COL9A2: variants seen among roughly 807,000 people sequenced by gnomAD.
COL9A2 encodes the protein collagen alpha-2(IX) chain.
COL9A2 carries 66 observed loss-of-function variants against 111.6 expected under a neutral mutation model. The observed-to-expected ratio is 0.59, with a 90% confidence interval of 0.48 to 0.73. The LOEUF (loss-of-function observed/expected upper bound fraction) is 0.73, where lower values mean the gene tolerates loss of function less well. COL9A2 is among the 30% of genes least tolerant of loss of function. COL9A2 has a pLI of 0.00. For missense variants in COL9A2, 881 were observed against 954.1 expected (o/e 0.92, Z 1.01); for synonymous variants, 353 against 364.1 (o/e 0.97, Z 0.35).
chr1:40,316,760 C>G lies in COL9A2; in HGVS notation c.75+363G>C. 3 of 366,452 alleles carry G rather than the reference C, an allele frequency of 8.2e-6. No individual in the cohort carries two copies. Among genetic ancestry groups the G allele is most frequent in the Non-Finnish European group, 1.5e-5 (3 of 197,630 alleles). 22.7% of individuals were successfully genotyped at this position (366,452 alleles called of 1,614,324 possible). On this transcript the variant is annotated intron_variant, in intron 1 of 31. Coordinates refer to ENST00000372748, the MANE Select transcript of COL9A2 (RefSeq NM_001852.4). The surrounding 1 kb of genome is among the most constrained non-coding windows in gnomAD (Gnocchi z 5.5). ...GGCGTCTGGTTGGAGCCGGCGCCCC[C>G]TGGGAGGCGGCGGGGGCGGAGGCTG...
In COL9A2 at chr1:40,314,551, C is replaced by T. The variant is rs1312150792; in HGVS notation, c.151-164G>A. On this transcript the variant is annotated intron_variant, in intron 2 of 31. Coordinates refer to ENST00000372748, the MANE Select transcript of COL9A2 (RefSeq NM_001852.4). This position sits in a 1 kb window ranked among gnomAD's most constrained non-coding sequence, Gnocchi z 4.1. Reference sequence around the variant, plus strand: ...TTTGGGAAAAGAGCCCCCTTTTCCTCAAAAATAAAAACCAAAAACAAATCA... The same window carrying T: ...TTTGGGAAAAGAGCCCCCTTTTCCTTAAAAATAAAAACCAAAAACAAATCA... 6.6e-6 allele frequency among the ~76,000 whole-genome samples: 1 copy of T among 152,136 alleles called. No individual in the cohort carries two copies. The highest frequency in any genetic ancestry group is 1.5e-5 in the Non-Finnish European group (1 of 68,020).
chr1:40,303,165 C>T lies in COL9A2; in HGVS notation c.1569G>A (p.Gln523=), dbSNP rs769009288. Residue 523 remains glutamine, a synonymous_variant, in exon 29 of 32, where the codon CAG becomes CAA. Coordinates refer to ENST00000372748, the MANE Select transcript of COL9A2 (RefSeq NM_001852.4). This position sits in a 1 kb window ranked among gnomAD's most constrained non-coding sequence, Gnocchi z 4.6. ...QGVEGRDATD[Q]HIVDVALKML... ...TCTTCAGCGCCACATCCACGATGTG[C>T]TGGTCAGTGGCATCCCGGCCCTGAA... 1 of 1,612,476 alleles carries T rather than the reference C, an allele frequency of 6.2e-7. No homozygotes were observed. The highest frequency in any genetic ancestry group is 8.5e-7 in the Non-Finnish European group (1 of 1,179,374).
chr1:40,307,573 G>T lies in COL9A2; in HGVS notation c.955-74C>A. On this transcript the variant is annotated intron_variant, in intron 18 of 31. Transcript: ENST00000372748. This position sits in a 1 kb window ranked among gnomAD's most constrained non-coding sequence, Gnocchi z 4.8. ...GGCCATGGCTTCTACCCAGATGCAGGTAGGGAAACTGAGATCCAGAGGCAA... is the reference window on the plus strand; with the variant it reads ...GGCCATGGCTTCTACCCAGATGCAGTTAGGGAAACTGAGATCCAGAGGCAA... The T allele has an allele frequency of 1.3e-6, 2 of 1,593,048 alleles. No homozygotes were observed. The highest frequency in any genetic ancestry group is 1.7e-6 in the Non-Finnish European group (2 of 1,163,464).
At position 40,312,957 on chromosome 1, in the gene COL9A2, C is replaced by A. The variant is rs1467531421; in HGVS notation, c.250-173G>T. Among the ~76,000 whole-genome samples the A allele has an allele frequency of 6.6e-6, 1 of 152,084 alleles. No homozygotes were observed. The highest frequency in any genetic ancestry group is 1.5e-5 in the Non-Finnish European group (1 of 67,966). ...TCCTTTTCCCCAGTTCCCATAGTAA[C>A]CCTAGGAGGCAGGCAGAACAATTCC... On this transcript the variant is annotated intron_variant, in intron 4 of 31. Transcript: ENST00000372748. The surrounding 1 kb of genome is among the most constrained non-coding windows in gnomAD (Gnocchi z 6.0).
chr1:40,310,187 G>T lies in COL9A2; in HGVS notation c.739-23C>A, dbSNP rs761942372. On this transcript the variant is annotated intron_variant, in intron 14 of 31. Coordinates refer to ENST00000372748, the MANE Select transcript of COL9A2 (RefSeq NM_001852.4). This position sits in a 1 kb window ranked among gnomAD's most constrained non-coding sequence, Gnocchi z 4.9. Reference sequence around the variant, plus strand: ...GCCCTGGGGAGAGGAAAGGGTTGCAGGTCAGTCCTGGCTGAACTCCAGGGG... The same window carrying T: ...GCCCTGGGGAGAGGAAAGGGTTGCATGTCAGTCCTGGCTGAACTCCAGGGG... 7.4e-6 allele frequency: 12 copies of T among 1,614,106 alleles called. No homozygotes were observed. The East Asian group carries it at 1.8e-4, about 24-fold the overall frequency.
Position 40,314,260 on chromosome 1 carries a change from T to C in COL9A2, c.194A>G (p.Lys65Arg), listed in dbSNP as rs756634659. ...TGGCCCAGCTTTGCCAGGCTCGCCC[T>C]TGGGTCCCTTGAAAACAGAGATGGA... ...PPGKAGPPGP[K>R]GEPGKAGPDG... Residue 65 changes from lysine (K) to arginine (R), a missense_variant, in exon 4 of 32, where the codon AAG becomes AGG. By Grantham distance (26) the Lys-to-Arg change is conservative. Transcript: ENST00000372748. This position sits in a 1 kb window ranked among gnomAD's most constrained non-coding sequence, Gnocchi z 4.1. The C allele has an allele frequency of 1.4e-5, 22 of 1,614,180 alleles. No individual in the cohort carries two copies. Among genetic ancestry groups the C allele is most frequent in the Non-Finnish European group, 1.9e-5 (22 of 1,180,024 alleles).
At chr1:40,308,543 C>T (rs965536380) in intron 16 of COL9A2, among the ~76,000 whole-genome samples, 2 of 152,342 alleles carry the variant, frequency 1.3e-5, no homozygotes, top group African/African-American at 2.4e-5. Context: ...CAAAGGAACA[C>T]AACAACCGAA....
rs920616282 is a variant in COL9A2, at chr1:40,306,036, T to G, written c.1053+107A>C. ...AGGGAGGTGGTTAGGCCCAAGGGGC[T>G]TATGTTCTGGCTGAGCCTCTGAGAC... On this transcript the variant is annotated intron_variant, in intron 20 of 31. Transcript: ENST00000372748. 2.2e-6 allele frequency: 3 copies of G among 1,336,978 alleles called. No individual in the cohort carries two copies. The African/African-American group carries it at 4.3e-5, about 19-fold the overall frequency. The allele number at this position is 1,336,978 out of a possible 1,614,324, so 82.8% of individuals were successfully genotyped here.
Position 40,301,187 on chromosome 1 carries a change from G to T in COL9A2, c.2065C>A (p.Pro689Thr). 6.2e-7 allele frequency: 1 copy of T among 1,613,348 alleles called. No homozygotes were observed. The highest frequency in any genetic ancestry group is 8.5e-7 in the Non-Finnish European group (1 of 1,180,000). The change falls in exon 32 of 32, where the codon CCT becomes ACT. Residue 689 changes from proline (P) to threonine (T), a missense_variant. Pro to Thr is a conservative substitution (Grantham distance 38). Transcript: ENST00000372748. ...GCTCTGTCTGGGCCTGATGCTCAAG[G>T]CCCCTTGATGGATCCAGGCTCTGTA... ...RLTEPGSIKG[P>T]
At position 40,310,085 on chromosome 1, in the gene COL9A2, G is replaced by A. The variant is rs374831834; in HGVS notation, c.792+26C>T. On this transcript the variant is annotated intron_variant, in intron 15 of 31. Transcript: ENST00000372748. The surrounding 1 kb of genome is among the most constrained non-coding windows in gnomAD (Gnocchi z 4.9). ...GTAGCTGTAGGAGCTCCAGCCTCAG[G>A]GGTAGGGGAGCAAAAAGAGGCTTAC... 1 of 1,613,932 alleles carries A rather than the reference G, an allele frequency of 6.2e-7. No homozygotes were observed. The highest frequency in any genetic ancestry group is 1.1e-5 in the South Asian group (1 of 91,076).
At position 40,310,173 on chromosome 1, in the gene COL9A2, A is replaced by G; in HGVS notation, c.739-9T>C. On this transcript the variant is annotated splice_polypyrimidine_tract_variant and intron_variant, in intron 14 of 31. Transcript: ENST00000372748. This position sits in a 1 kb window ranked among gnomAD's most constrained non-coding sequence, Gnocchi z 4.9. Reference sequence around the variant, plus strand: ...TTATATCCATGAGGGCCCTGGGGAGAGGAAAGGGTTGCAGGTCAGTCCTGG... The same window carrying G: ...TTATATCCATGAGGGCCCTGGGGAGGGGAAAGGGTTGCAGGTCAGTCCTGG... 1 of 1,614,054 alleles carries G rather than the reference A, an allele frequency of 6.2e-7. No individual in the cohort carries two copies. Among genetic ancestry groups the G allele is most frequent in the Non-Finnish European group, 8.5e-7 (1 of 1,180,004 alleles).
chr1:40,305,637 G>T, intron 21 of COL9A2, 78 bp downstream of exon 21: 2 of 1,345,376 alleles, frequency 1.5e-6, no homozygotes, highest in Non-Finnish European at 2.1e-6. Flanking sequence ...CTAACTCGGA[G>T]CTCTCCCTAG....
At position 40,301,863 on chromosome 1, in the gene COL9A2, C is replaced by T; in HGVS notation, c.1819G>A (p.Gly607Arg). ...CCGGGGTGCCCCCGTCCCACTTCTCCTGGATCACCCTTCTCTCCACGTTTT... is the reference window on the plus strand; with the variant it reads ...CCGGGGTGCCCCCGTCCCACTTCTCTTGGATCACCCTTCTCTCCACGTTTT... ...KGKRGEKGDP[G>R]EVGRGHPGMP... is the part of the protein sequence containing the mutation. Residue 607 changes from glycine (G) to arginine (R), a missense_variant, in exon 31 of 32, where the codon GGA becomes AGA. Gly to Arg is a moderately radical substitution (Grantham distance 125). Transcript: ENST00000372748. The T allele has an allele frequency of 6.2e-7, 1 of 1,614,186 alleles. No individual in the cohort carries two copies. The highest frequency in any genetic ancestry group is 8.5e-7 in the Non-Finnish European group (1 of 1,180,020).
Position 40,310,066 on chromosome 1 carries a change from G to A in COL9A2, c.792+45C>T, listed in dbSNP as rs1644096426. On this transcript the variant is annotated intron_variant, in intron 15 of 31. Coordinates refer to ENST00000372748, the MANE Select transcript of COL9A2 (RefSeq NM_001852.4). This position sits in a 1 kb window ranked among gnomAD's most constrained non-coding sequence, Gnocchi z 4.9. ...CCATGCCCACTCTGTGGCTGTAGCT[G>A]TAGGAGCTCCAGCCTCAGGGGTAGG... 3.7e-6 allele frequency: 6 copies of A among 1,611,984 alleles called. No homozygotes were observed. The highest frequency in any genetic ancestry group is 5.1e-6 in the Non-Finnish European group (6 of 1,178,162).
At chr1:40,315,137 A>C in intron 2 of COL9A2, 1 of 829,888 alleles carries the variant, frequency 1.2e-6, no homozygotes, top group Non-Finnish European at 1.5e-6. Context: ...CCTGCAGGGA[A>C]CAAGCCCAGC....
intron 2 of COL9A2, 108 bp downstream of exon 2, chr1:40,315,482 G>T (rs1644203653): frequency 6.1e-6 from 9 of 1,473,382 alleles, no homozygotes; most frequent in Non-Finnish European, 8.2e-6. Flanking sequence ...GCGACGAGGG[G>T]CACTACATCT....
intron 16 of COL9A2, among the ~76,000 whole-genome samples, chr1:40,309,675 C>G (rs1163309681): frequency 1.3e-5 from 2 of 151,550 alleles, no homozygotes; most frequent in African/African-American, 4.8e-5. Flanking sequence ...CACTCACAGT[C>G]ACACACACAC....
chr1:40,315,879 G>A (rs1644211161), intron 1 of COL9A2: 2 of 458,210 alleles, frequency 4.4e-6, no homozygotes, highest in South Asian at 8.2e-5. Context: ...GCGCTATTAC[G>A]GGCCCCAGTT....
At position 40,303,416 on chromosome 1, in the gene COL9A2, C is replaced by T; in HGVS notation, c.1548+114G>A. The T allele has an allele frequency of 6.9e-7, 1 of 1,453,640 alleles. No homozygotes were observed. The highest frequency in any genetic ancestry group is 9.4e-7 in the Non-Finnish European group (1 of 1,060,152). The allele number at this position is 1,453,640 out of a possible 1,614,324, so 90.0% of individuals were successfully genotyped here. A position where few individuals can be genotyped will look rare whatever the true frequency, so the allele number is the denominator to read the frequency against. On this transcript the variant is annotated intron_variant, in intron 28 of 31. Coordinates refer to ENST00000372748, the MANE Select transcript of COL9A2 (RefSeq NM_001852.4). This position sits in a 1 kb window ranked among gnomAD's most constrained non-coding sequence, Gnocchi z 4.6. ...TTCCTGTCTGCTCTGGGGCTTGGAA[C>T]CAGTCTCGGGGAAGTCGGTGAGTCT...
Sources: allele counts gnomAD v4.1 joint callset (sites outside exome capture counted in the v4.1 genomes callset), GRCh38; gene constraint gnomAD v4.1.1; non-coding constraint Gnocchi (gnomAD v3.1); transcripts MANE v1.5; gene names NCBI Gene and HGNC (gene_info 2026-07-23, HGNC 2026-07-21).